CHODL: variants seen among roughly 807,000 people sequenced by gnomAD.
CHODL encodes the protein transmembrane protein MT75.
A neutral mutation model predicts 34.5 loss-of-function variants in CHODL; 29 were observed. That is an observed-to-expected ratio of 0.84 (90% CI 0.63 to 1.15). The LOEUF is 1.15. Ranked by LOEUF, CHODL falls within the 50% of genes most tolerant of loss-of-function variation. The pLI is 0.00. For synonymous variants in CHODL, 125 were observed against 116.1 expected (o/e 1.08, Z -0.49); for missense variants, 332 against 332.5 (o/e 1.00, Z 0.01).
intron 1 of CHODL, among the ~76,000 whole-genome samples, chr21:18,003,052 G>A (rs554787050): frequency 1.7e-4 from 26 of 151,618 alleles, no homozygotes; most frequent in South Asian, 6.3e-4. Flanking sequence ...GAACCCCGGG[G>A]GGCGGAGTGT....
At chr21:18,234,913 T>C (rs983994006) in intron 2 of CHODL, among the ~76,000 whole-genome samples, 5 of 152,100 alleles carry the variant, frequency 3.3e-5, no homozygotes, top group African/African-American at 4.8e-5. Flanking sequence ...TTCCAGAAGG[T>C]AGATTTTCTT....
intron 1 of CHODL, among the ~76,000 whole-genome samples, chr21:17,961,579 G>A (rs906989601): frequency 3.4e-4 from 52 of 152,330 alleles, no homozygotes; most frequent in African/African-American, 1.2e-3. Context: ...ATCCCCAGCT[G>A]ATGCTTACTT....
intron 2 of CHODL, among the ~76,000 whole-genome samples, chr21:18,158,923 TG>T (rs1176310095): frequency 6.6e-6 from 1 of 152,110 alleles, no homozygotes; most frequent in African/African-American, 2.4e-5. Flanking sequence ...GTATTGTGCA[TG>T]TAGGCAAATA....
At chr21:17,944,808 C>A (rs140755718) in intron 1 of CHODL, among the ~76,000 whole-genome samples, 1 of 152,338 alleles carries the variant, frequency 6.6e-6, no homozygotes, top group East Asian at 1.9e-4. Context: ...AAAACATTAT[C>A]CCTTCCAAAG....
intron 2 of CHODL, among the ~76,000 whole-genome samples, chr21:18,121,703 G>A (rs2065481697): frequency 6.6e-6 from 1 of 152,112 alleles, no homozygotes; most frequent in East Asian, 1.9e-4. Flanking sequence ...GATGCTTAAA[G>A]TTGTACAATC....
intron 1 of CHODL, among the ~76,000 whole-genome samples, chr21:17,942,529 C>T (rs957561268): frequency 6.6e-6 from 1 of 151,972 alleles, no homozygotes; most frequent in Non-Finnish European, 1.5e-5. Flanking sequence ...TGTAAATTGC[C>T]CAGTCTCAGG....
intron 2 of CHODL, among the ~76,000 whole-genome samples, chr21:18,198,701 A>G (rs955337971): frequency 6.6e-6 from 1 of 152,090 alleles, no homozygotes; most frequent in African/African-American, 2.4e-5. Flanking sequence ...TGACTCCAGG[A>G]TGTGCCCATT....
intron 1 of CHODL, among the ~76,000 whole-genome samples, chr21:17,950,882 G>A (rs531835448): frequency 5.3e-5 from 8 of 152,190 alleles, no homozygotes; most frequent in Admixed American, 1.3e-4. Flanking sequence ...ATTTACAGTC[G>A]TGAAATATCA....
intron 2 of CHODL, among the ~76,000 whole-genome samples, chr21:18,140,998 T>TATC (rs57557660): frequency 0.078 from 11,796 of 152,114 alleles, 1,449 homozygotes; most frequent in African/African-American, 0.26. Flanking sequence ...GCTATTTAGA[T>TATC]ATCAATAAGT....
At chr21:18,174,129 A>G (rs1215472272) in intron 2 of CHODL, among the ~76,000 whole-genome samples, 2 of 11,336 alleles carry the variant, frequency 1.8e-4, no homozygotes, top group East Asian at 7.8e-4. Context: ...TGGTGTATAT[A>G]TATATATATA....
At chr21:18,135,350 T>C (rs2146600650) in intron 2 of CHODL, among the ~76,000 whole-genome samples, 1 of 152,306 alleles carries the variant, frequency 6.6e-6, no homozygotes, top group South Asian at 2.1e-4. Context: ...ATTGATTTTT[T>C]TTTTCATTTT....
intron 1 of CHODL, among the ~76,000 whole-genome samples, chr21:17,920,244 G>C (rs190897109): frequency 6.6e-6 from 1 of 152,244 alleles, no homozygotes; most frequent in African/African-American, 2.4e-5. Context: ...CAGTTTTCAT[G>C]CTTCTGATAA....
At chr21:18,185,814 T>C (rs2073433738) in intron 2 of CHODL, among the ~76,000 whole-genome samples, 2 of 152,232 alleles carry the variant, frequency 1.3e-5, no homozygotes, top group Non-Finnish European at 1.5e-5. Context: ...GGTTTGTAGA[T>C]GGCTGTCTTT....
intron 2 of CHODL, among the ~76,000 whole-genome samples, chr21:18,223,416 G>T (rs1183092432): frequency 1.3e-5 from 2 of 152,134 alleles, no homozygotes; most frequent in African/African-American, 2.4e-5. Context: ...GAGCTCAGAG[G>T]CCTCCTAGGA....
At chr21:17,961,346 G>T (rs2063531019) in intron 1 of CHODL, among the ~76,000 whole-genome samples, 1 of 152,184 alleles carries the variant, frequency 6.6e-6, no homozygotes, top group Non-Finnish European at 1.5e-5. Flanking sequence ...GCATCTTGTT[G>T]TCAATGATCA....
At chr21:18,094,929 G>A (rs2065120730) in intron 2 of CHODL, among the ~76,000 whole-genome samples, 1 of 151,998 alleles carries the variant, frequency 6.6e-6, no homozygotes, top group South Asian at 2.1e-4. Context: ...TTCAAGACCA[G>A]GCTGGCCAAA....
intron 2 of CHODL, among the ~76,000 whole-genome samples, chr21:18,164,137 G>A (rs1034413357): frequency 6.6e-6 from 1 of 152,208 alleles, no homozygotes; most frequent in African/African-American, 2.4e-5. Context: ...CTGAAGGAAA[G>A]CTTGCCCCAG....
At chr21:17,958,763 T>C (rs1413336584) in intron 1 of CHODL, among the ~76,000 whole-genome samples, 5 of 152,194 alleles carry the variant, frequency 3.3e-5, no homozygotes, top group Non-Finnish European at 5.9e-5. Context: ...CAGGTTTACT[T>C]TGCAGTAAGC....
At position 18,245,017 on chromosome 21, in the gene CHODL, C is replaced by T; in HGVS notation, c.-207C>T. Reference sequence around the variant, plus strand: ...CACCCTCGAAGTCTTGAACTCCAGCCCCGCACATCCACGCGCGGCACAGGC... The same window carrying T: ...CACCCTCGAAGTCTTGAACTCCAGCTCCGCACATCCACGCGCGGCACAGGC... On this transcript the variant is annotated 5_prime_UTR_variant, in exon 1 of 6. Coordinates refer to ENST00000299295, the MANE Select transcript of CHODL (RefSeq NM_024944.3). The T allele has an allele frequency of 2.1e-6, 1 of 475,586 alleles. No individual in the cohort carries two copies. The highest frequency in any genetic ancestry group is 3.7e-6 in the Non-Finnish European group (1 of 273,422). The allele number at this position is 475,586 out of a possible 1,614,324, so 29.5% of individuals were successfully genotyped here.
Sources: allele counts gnomAD v4.1 joint callset (sites outside exome capture counted in the v4.1 genomes callset), GRCh38; gene constraint gnomAD v4.1.1; transcripts MANE v1.5; gene names NCBI Gene and HGNC (gene_info 2026-07-23, HGNC 2026-07-21).